The following EEFSEC variants were observed in gnomAD, a reference collection of about 807,000 sequenced individuals.
The protein encoded by EEFSEC is eukaryotic elongation factor, selenocysteine-tRNA specific.
In EEFSEC, 43 loss-of-function variants were observed where a neutral mutation model predicts 42.1. The observed-to-expected ratio is 1.02, with a 90% CI of 0.80 to 1.32. The LOEUF (loss-of-function observed/expected upper bound fraction) is 1.32. EEFSEC is among the 40% of genes most tolerant of loss of function. The probability of loss-of-function intolerance (pLI) is 0.00; values close to 1 mark genes in which losing one functional copy is unlikely to be tolerated. For synonymous variants in EEFSEC, 354 were observed against 339.1 expected (o/e 1.04, Z -0.48); for missense variants, 745 against 803.6 (o/e 0.93, Z 0.88).
chr3:128,415,219 T>C, the EEFSEC span, among the ~76,000 whole-genome samples: 1 of 152,094 alleles, frequency 6.6e-6, no homozygotes, highest in East Asian at 1.9e-4. Flanking sequence ...TATGGGATCC[T>C]GAGGCCATGG....
intron 6 of EEFSEC, among the ~76,000 whole-genome samples, chr3:128,364,326 G>A (rs948505869): frequency 2.6e-5 from 4 of 152,210 alleles, no homozygotes; most frequent in East Asian, 1.9e-4. Context: ...CCACTGGGAC[G>A]TGTGGCTGGG....
At chr3:128,241,658 G>A (rs2066073027) in intron 1 of EEFSEC, among the ~76,000 whole-genome samples, 1 of 152,180 alleles carries the variant, frequency 6.6e-6, no homozygotes. Context: ...TACCCACATT[G>A]CAGAGTTGGT....
intron 4 of EEFSEC, among the ~76,000 whole-genome samples, chr3:128,322,466 G>A (rs556887219): frequency 1.4e-4 from 22 of 152,376 alleles, no homozygotes; most frequent in Non-Finnish European, 2.4e-4. Flanking sequence ...TGCTCCCAAA[G>A]GAAGCAAGGC....
chr3:128,215,659 AT>A (rs1386993075), intron 1 of EEFSEC, among the ~76,000 whole-genome samples: 1 of 152,196 alleles, frequency 6.6e-6, no homozygotes, highest in Non-Finnish European at 1.5e-5. Flanking sequence ...CCCCAAACTG[AT>A]TCTTAAAACC....
chr3:128,179,530 A>C (rs2065383680), intron 1 of EEFSEC, among the ~76,000 whole-genome samples: 1 of 152,160 alleles, frequency 6.6e-6, no homozygotes, highest in Non-Finnish European at 1.5e-5. Flanking sequence ...GCAAGTTTTA[A>C]AAGTTTGATT....
intron 6 of EEFSEC, among the ~76,000 whole-genome samples, chr3:128,392,637 G>A (rs2067928498): frequency 1.3e-5 from 2 of 152,196 alleles, no homozygotes; most frequent in Admixed American, 6.5e-5. Context: ...CCCACACAGA[G>A]CCAAACAAGT....
downstream of EEFSEC, among the ~76,000 whole-genome samples, chr3:128,412,869 C>T (rs72979318): frequency 6.6e-6 from 1 of 151,888 alleles, no homozygotes; most frequent in Non-Finnish European, 1.5e-5. Context: ...TGGTGATGCT[C>T]GGGGAGGTGA....
At chr3:128,419,552 CA>C in the EEFSEC span, among the ~76,000 whole-genome samples, 203 of 152,174 alleles carry the variant, frequency 1.3e-3, no homozygotes, top group Middle Eastern at 0.01. Flanking sequence ...GAGCTGCCAG[CA>C]AGGGGGGTTA....
intron 4 of EEFSEC, among the ~76,000 whole-genome samples, chr3:128,336,664 T>G (rs2067193141): frequency 6.6e-6 from 1 of 152,216 alleles, no homozygotes; most frequent in Non-Finnish European, 1.5e-5. Context: ...GATCTGGTCT[T>G]GGCTCCAATG....
the EEFSEC span, among the ~76,000 whole-genome samples, chr3:128,414,091 C>A: frequency 6.6e-6 from 1 of 152,258 alleles, no homozygotes; most frequent in Non-Finnish European, 1.5e-5. Context: ...CCTTGACGGA[C>A]AACCCTGCCT....
Position 128,388,722 on chromosome 3 carries a change from G to A in EEFSEC, c.1601-19347G>A, listed in dbSNP as rs78446844. The stretch of plus-strand genomic sequence containing the variant: ...TCGACTGTGTGCTTTCAGTGGTGCC[G>A]GCCAGAGCGTCTAGCAGAGAGGCCA... On this transcript the variant is annotated intron_variant, in intron 6 of 6. Coordinates refer to ENST00000254730, the MANE Select transcript of EEFSEC (RefSeq NM_021937.5). Among the ~76,000 whole-genome samples, 109 of 152,350 alleles carry A rather than the reference G, an allele frequency of 7.2e-4. No individual in the cohort carries two copies. In the East Asian group the frequency reaches 0.017, roughly 23 times the overall value.
chr3:128,370,126 G>A (rs929521084), intron 6 of EEFSEC, among the ~76,000 whole-genome samples: 2 of 152,216 alleles, frequency 1.3e-5, no homozygotes, highest in African/African-American at 2.4e-5. Flanking sequence ...GCCCAGGTTG[G>A]TTGTTTCCCA....
intron 4 of EEFSEC, among the ~76,000 whole-genome samples, chr3:128,318,355 C>T (rs531164448): frequency 5.9e-5 from 9 of 152,358 alleles, no homozygotes; most frequent in African/African-American, 2.2e-4. Context: ...TGTTTTCCAT[C>T]TCTGGCTTTT....
At chr3:128,257,838 C>T (rs9289328) in intron 2 of EEFSEC, among the ~76,000 whole-genome samples, 3 of 152,110 alleles carry the variant, frequency 2.0e-5, no homozygotes, top group South Asian at 2.1e-4. Context: ...CAAGCTGTCC[C>T]CCCCCAGCAT....
At chr3:128,411,767 T>C (rs543919220), downstream of EEFSEC, among the ~76,000 whole-genome samples, 1 of 152,302 alleles carries the variant, frequency 6.6e-6, no homozygotes, top group Admixed American at 6.5e-5. Flanking sequence ...TGGGTTAATA[T>C]ATTTTCAATA....
At chr3:128,362,243 G>A in intron 6 of EEFSEC, 1 of 522,290 alleles carries the variant, frequency 1.9e-6, no homozygotes, top group Non-Finnish European at 3.9e-6. Flanking sequence ...AGGCTGGATG[G>A]CGGGTGGGAC....
intron 4 of EEFSEC, among the ~76,000 whole-genome samples, chr3:128,304,257 A>G (rs867500666): frequency 6.6e-6 from 1 of 152,128 alleles, no homozygotes; most frequent in Middle Eastern, 3.4e-3. Context: ...TATAGATGTA[A>G]TATAAAGAGA....
intron 1 of EEFSEC, among the ~76,000 whole-genome samples, chr3:128,176,249 T>C (rs1388702159): frequency 6.6e-6 from 1 of 152,058 alleles, no homozygotes; most frequent in Non-Finnish European, 1.5e-5. Context: ...TAACATATGA[T>C]TTTTGTCTCT....
At chr3:128,372,958 C>A (rs893923020) in intron 6 of EEFSEC, among the ~76,000 whole-genome samples, 3 of 152,354 alleles carry the variant, frequency 2.0e-5, no homozygotes, top group Admixed American at 1.3e-4. Flanking sequence ...CTGAGTTGTT[C>A]CTGGCTTCCT....
Sources: allele counts gnomAD v4.1 joint callset (sites outside exome capture counted in the v4.1 genomes callset), GRCh38; gene constraint gnomAD v4.1.1; transcripts MANE v1.5; gene names NCBI Gene and HGNC (gene_info 2026-07-23, HGNC 2026-07-21).